GPR39: variants seen among roughly 807,000 people sequenced by gnomAD.
GPR39 encodes G protein-coupled receptor 39.
Under a neutral mutation model 18.4 loss-of-function variants are expected in GPR39, and 23 were observed. The ratio of observed to expected loss-of-function variants is 1.25; its 90% CI spans 0.90 to 1.77. The LOEUF is 1.77. Among genes scored for constraint, GPR39 ranks in the 40% most tolerant of loss-of-function variants. GPR39 has a pLI of 0.00. For synonymous variants in GPR39, 280 were observed against 257.9 expected (o/e 1.09, Z -0.82); for missense variants, 647 against 602.4 (o/e 1.07, Z -0.78).
chr2:132,563,952 C>T (rs1680301782), intron 1 of GPR39, among the ~76,000 whole-genome samples: 1 of 152,184 alleles, frequency 6.6e-6, no homozygotes, highest in East Asian at 1.9e-4. Flanking sequence ...ACCTGGCCTC[C>T]AAGCCAGGAT....
At chr2:132,510,142 C>G (rs1413958753) in intron 1 of GPR39, among the ~76,000 whole-genome samples, 2 of 152,206 alleles carry the variant, frequency 1.3e-5, no homozygotes, top group Non-Finnish European at 2.9e-5. Flanking sequence ...ATAGTCCTGA[C>G]AGGCTACTTG....
intron 1 of GPR39, among the ~76,000 whole-genome samples, chr2:132,610,427 A>T (rs1416593370): frequency 6.6e-6 from 1 of 152,178 alleles, no homozygotes; most frequent in East Asian, 1.9e-4. Context: ...CTCATGTAAC[A>T]TCCAAAGTGA....
Position 132,502,333 on chromosome 2 carries a change from G to A in GPR39, c.856+84435G>A, listed in dbSNP as rs185567634. On this transcript the variant is annotated intron_variant, in intron 1 of 1. Transcript: ENST00000329321. ...AAAGACTGGATCTTTCCTTCATTTA[G>A]GAAGCTTAGTTTTGATGGATACAAA... Among the ~76,000 whole-genome samples the A allele has an allele frequency of 1.1e-4, 16 of 152,166 alleles. No individual in the cohort carries two copies. In the East Asian group the frequency reaches 2.3e-3, roughly 22 times the overall value.
At chr2:132,502,322 T>C (rs1420395860) in intron 1 of GPR39, among the ~76,000 whole-genome samples, 1 of 152,152 alleles carries the variant, frequency 6.6e-6, no homozygotes, top group East Asian at 1.9e-4. Context: ...ACTGGATCTT[T>C]CCTTCATTTA....
intron 1 of GPR39, among the ~76,000 whole-genome samples, chr2:132,447,244 T>C (rs977533296): frequency 6.6e-6 from 1 of 152,214 alleles, no homozygotes; most frequent in African/African-American, 2.4e-5. Context: ...ATATAGTTAA[T>C]TTAAAGACAA....
intron 1 of GPR39, among the ~76,000 whole-genome samples, chr2:132,606,391 AAC>A (rs1253694469): frequency 6.6e-6 from 1 of 152,232 alleles, no homozygotes; most frequent in Non-Finnish European, 1.5e-5. Flanking sequence ...ATAAAAGTGA[AAC>A]AGAGTTCTTT....
chr2:132,555,585 A>G (rs1286873586), intron 1 of GPR39, among the ~76,000 whole-genome samples: 2 of 152,214 alleles, frequency 1.3e-5, no homozygotes, highest in Non-Finnish European at 2.9e-5. Context: ...AAGTACCCCC[A>G]GAAACCAATG....
At chr2:132,448,778 C>T (rs1251175772) in intron 1 of GPR39, among the ~76,000 whole-genome samples, 4 of 152,196 alleles carry the variant, frequency 2.6e-5, no homozygotes, top group Non-Finnish European at 4.4e-5. Context: ...CTGCCACCAA[C>T]TCACTTCTAA....
chr2:132,528,556 C>T (rs139642882), intron 1 of GPR39, among the ~76,000 whole-genome samples: 1 of 152,170 alleles, frequency 6.6e-6, no homozygotes, highest in South Asian at 2.1e-4. Context: ...TTCTTCCTAT[C>T]TATGAGGATG....
intron 1 of GPR39, among the ~76,000 whole-genome samples, chr2:132,643,311 G>A (rs972914475): frequency 5.9e-5 from 9 of 152,166 alleles, no homozygotes; most frequent in African/African-American, 2.2e-4. Context: ...ATATTTCAAA[G>A]TTTTAGGCTG....
intron 1 of GPR39, among the ~76,000 whole-genome samples, chr2:132,584,310 G>A (rs1025281142): frequency 6.6e-6 from 1 of 152,168 alleles, no homozygotes; most frequent in African/African-American, 2.4e-5. Context: ...AGGCCTGCGT[G>A]TTCCTCTCTC....
chr2:132,552,942 A>AT lies in GPR39; in HGVS notation c.857-92148dup, dbSNP rs201811076. Among the ~76,000 whole-genome samples the AT allele has an allele frequency of 8.5e-3, 891 of 104,844 alleles. 8 individuals carry two copies. Among genetic ancestry groups the AT allele is most frequent in the African/African-American group, 0.025 (810 of 32,384 alleles). 68.8% of individuals were successfully genotyped at this position (104,844 alleles called of 152,430 possible). A position where few individuals can be genotyped will look rare whatever the true frequency, so the allele number is the denominator to read the frequency against. On this transcript the variant is annotated intron_variant, in intron 1 of 1. Transcript: ENST00000329321. ...TACACACACACACACACATATATAT[A>AT]TTTTTTTTTTTGGAAACAGAGTCTC...
chr2:132,617,584 G>T (rs1343363116), intron 1 of GPR39, among the ~76,000 whole-genome samples: 1 of 152,018 alleles, frequency 6.6e-6, no homozygotes, highest in African/African-American at 2.4e-5. Context: ...GGGACTGTTT[G>T]TCTTTCTCTA....
At chr2:132,536,441 T>C (rs543617044) in intron 1 of GPR39, among the ~76,000 whole-genome samples, 26 of 152,352 alleles carry the variant, frequency 1.7e-4, no homozygotes, top group Non-Finnish European at 3.4e-4. Flanking sequence ...GACTGTTTGT[T>C]ATAATTTCTG....
chr2:132,469,540 C>T (rs1680991441), intron 1 of GPR39, among the ~76,000 whole-genome samples: 1 of 152,176 alleles, frequency 6.6e-6, no homozygotes, highest in African/African-American at 2.4e-5. Context: ...GAGGCCTGAG[C>T]GTCCTTTGGC....
intron 1 of GPR39, among the ~76,000 whole-genome samples, chr2:132,643,786 TTGAGA>T: frequency 6.6e-6 from 1 of 152,308 alleles, no homozygotes; most frequent in East Asian, 1.9e-4. Context: ...TCCCAGAGTA[TTGAGA>T]TATCAGGCAT....
chr2:132,561,644 G>T (rs986167382), intron 1 of GPR39, among the ~76,000 whole-genome samples: 26 of 151,848 alleles, frequency 1.7e-4, no homozygotes, highest in African/African-American at 6.3e-4. Context: ...CATGATGATG[G>T]AGGCTAAATG....
chr2:132,495,389 G>A (rs758993718), intron 1 of GPR39, among the ~76,000 whole-genome samples: 1 of 152,166 alleles, frequency 6.6e-6, no homozygotes. Context: ...GGATGTTGAG[G>A]TCGCTTTGTA....
intron 1 of GPR39, among the ~76,000 whole-genome samples, chr2:132,527,346 A>C (rs1397375361): frequency 6.6e-6 from 1 of 152,060 alleles, no homozygotes; most frequent in African/African-American, 2.4e-5. Flanking sequence ...ATCACTGATG[A>C]GTATTTGGGT....
Sources: allele counts gnomAD v4.1 joint callset (sites outside exome capture counted in the v4.1 genomes callset), GRCh38; gene constraint gnomAD v4.1.1; transcripts MANE v1.5; gene names NCBI Gene and HGNC (gene_info 2026-07-23, HGNC 2026-07-21).